Variants in ATP10B observed in about 807,000 individuals in gnomAD.
ATP10B encodes the protein phospholipid-transporting ATPase VB.
ATP10B carries 122 observed loss-of-function variants against 141.2 expected under a neutral mutation model. The ratio of observed to expected loss-of-function variants is 0.86; its 90% CI spans 0.75 to 1.00. The LOEUF is 1.00. ATP10B is among the 50% of genes least tolerant of loss of function. ATP10B has a pLI of 0.00. For missense variants in ATP10B, 1,876 were observed against 1,825.3 expected (o/e 1.03, Z -0.51); for synonymous variants, 685 against 692.0 (o/e 0.99, Z 0.16).
chr5:160,896,374 C>T, the ATP10B span, among the ~76,000 whole-genome samples: 2 of 152,078 alleles, frequency 1.3e-5, no homozygotes, highest in Non-Finnish European at 2.9e-5. Context: ...CACCACTGAT[C>T]CCACAGAAAT....
intron 24 of ATP10B, among the ~76,000 whole-genome samples, chr5:160,574,358 C>T (rs535321509): frequency 1.6e-3 from 246 of 152,166 alleles, no homozygotes; most frequent in Non-Finnish European, 2.7e-3. Flanking sequence ...CACTTGAACC[C>T]GGAGGCGGAG....
rs1477152189 is a variant in ATP10B, at chr5:160,644,249, GGAT to G, written c.762-8_762-6del. ...CTGGTCTGGTCAGGATGCTCCCTGGGGATGATGAATAAAAGACAGGGGGTGGTT... is the reference window on the plus strand; with the variant it reads ...CTGGTCTGGTCAGGATGCTCCCTGGGGATGAATAAAAGACAGGGGGTGGTT... On this transcript the variant is annotated splice_region_variant and splice_polypyrimidine_tract_variant and intron_variant, in intron 8 of 25. Coordinates refer to ENST00000327245, the MANE Select transcript of ATP10B (RefSeq NM_025153.3). 5.6e-6 allele frequency: 9 copies of G among 1,610,690 alleles called. No individual in the cohort carries two copies. The highest frequency in any genetic ancestry group is 6.8e-6 in the Non-Finnish European group (8 of 1,177,154).
At chr5:160,840,630 A>C (rs969029590) in intron 1 of ATP10B, among the ~76,000 whole-genome samples, 5 of 152,100 alleles carry the variant, frequency 3.3e-5, no homozygotes, top group African/African-American at 1.2e-4. Flanking sequence ...CCTATATTCT[A>C]GGTTTATGAA....
intron 1 of ATP10B, among the ~76,000 whole-genome samples, chr5:160,797,131 C>G (rs1045930406): frequency 6.6e-6 from 1 of 152,076 alleles, no homozygotes; most frequent in African/African-American, 2.4e-5. Context: ...AACCAGGGCC[C>G]AGGAACCCCT....
chr5:160,743,014 T>C (rs1338918033), intron 2 of ATP10B, among the ~76,000 whole-genome samples: 1 of 152,210 alleles, frequency 6.6e-6, no homozygotes, highest in African/African-American at 2.4e-5. Flanking sequence ...GCAAAGATGA[T>C]AGAGGTAATA....
Position 160,565,725 on chromosome 5 carries a change from T to C in ATP10B, c.4114A>G (p.Ile1372Val), listed in dbSNP as rs1754494404. 3 of 1,613,950 alleles carry C rather than the reference T, an allele frequency of 1.9e-6. No homozygotes were observed. Among genetic ancestry groups the C allele is most frequent in the Non-Finnish European group, 2.5e-6 (3 of 1,179,988 alleles). ...ARPTHHPVSS[I>V]TGQDFSASTP... is the part of the protein sequence containing the mutation. ...CTGGCACTGAAGTCCTGTCCTGTGA[T>C]AGATGACACTGGGTGGTGAGTTGGT... is the stretch of plus-strand genomic sequence containing the variant. The change falls in exon 26 of 26, where the codon ATC (isoleucine) becomes GTC (valine). Residue 1372 changes from isoleucine (I) to valine (V), a missense_variant. Physicochemically the swap from Ile to Val is conservative, Grantham distance 29. Transcript: ENST00000327245.
chr5:160,654,003 G>A (rs1055589259), intron 7 of ATP10B, among the ~76,000 whole-genome samples: 23 of 141,012 alleles, frequency 1.6e-4, no homozygotes, highest in Admixed American at 5.0e-4. Context: ...TTGTATATAC[G>A]TATATACATA....
Position 160,785,747 on chromosome 5 carries a change from T to C in ATP10B, c.-519A>G. Reference sequence around the variant, plus strand: ...GAAAAACTACTTACTCTTCACACTGTTGCTTTCATTGAAACAAATGTCACC... The same window carrying C: ...GAAAAACTACTTACTCTTCACACTGCTGCTTTCATTGAAACAAATGTCACC... On this transcript the variant is annotated 5_prime_UTR_variant, in exon 2 of 26. Transcript: ENST00000327245. 8.5e-7 allele frequency: 1 copy of C among 1,183,072 alleles called. No individual in the cohort carries two copies. The highest frequency in any genetic ancestry group is 1.1e-6 in the Non-Finnish European group (1 of 913,988). 73.3% of individuals were successfully genotyped at this position (1,183,072 alleles called of 1,614,324 possible). A position where few individuals can be genotyped will look rare whatever the true frequency, so the allele number is the denominator to read the frequency against.
intron 17 of ATP10B, among the ~76,000 whole-genome samples, chr5:160,613,704 T>G (rs1378415782): frequency 6.6e-6 from 1 of 152,234 alleles, no homozygotes; most frequent in Non-Finnish European, 1.5e-5. Context: ...GGGACTCATA[T>G]TTTTGATAAT....
intron 3 of ATP10B, among the ~76,000 whole-genome samples, chr5:160,698,486 C>G (rs1372238873): frequency 6.6e-6 from 1 of 152,094 alleles, no homozygotes; most frequent in African/African-American, 2.4e-5. Context: ...TTAATTAATA[C>G]CAGAATTATA....
At chr5:160,789,766 C>G (rs1261326377) in intron 1 of ATP10B, among the ~76,000 whole-genome samples, 4 of 152,034 alleles carry the variant, frequency 2.6e-5, no homozygotes, top group Non-Finnish European at 5.9e-5. Flanking sequence ...GGAGGTGAGA[C>G]CTAGGTTCAT....
intron 1 of ATP10B, among the ~76,000 whole-genome samples, chr5:160,795,121 A>G (rs1317134496): frequency 6.6e-6 from 1 of 152,226 alleles, no homozygotes; most frequent in African/African-American, 2.4e-5. Context: ...CCATTTCAGC[A>G]TTGGTATGGT....
intron 1 of ATP10B, among the ~76,000 whole-genome samples, chr5:160,789,048 C>T (rs1007072201): frequency 1.3e-5 from 2 of 152,160 alleles, no homozygotes; most frequent in Non-Finnish European, 2.9e-5. Context: ...ATAGCATTTA[C>T]ATTTACTTTG....
At chr5:160,803,181 G>A (rs549698638) in intron 1 of ATP10B, among the ~76,000 whole-genome samples, 5 of 152,126 alleles carry the variant, frequency 3.3e-5, no homozygotes, top group South Asian at 4.1e-4. Context: ...TTTCCTTTTT[G>A]TTGAAGGAGG....
intron 24 of ATP10B, among the ~76,000 whole-genome samples, chr5:160,581,930 G>C (rs1755579673): frequency 6.6e-6 from 1 of 152,002 alleles, no homozygotes; most frequent in African/African-American, 2.4e-5. Context: ...TTTGATCTTT[G>C]TTGGTTTAAA....
At chr5:160,746,927 T>G (rs1335218387) in intron 2 of ATP10B, among the ~76,000 whole-genome samples, 1 of 152,176 alleles carries the variant, frequency 6.6e-6, no homozygotes, top group Non-Finnish European at 1.5e-5. Context: ...TTTATAGCAG[T>G]GGTGGCAAAT....
intron 14 of ATP10B, among the ~76,000 whole-genome samples, chr5:160,621,535 A>G (rs1443780356): frequency 1.3e-5 from 2 of 152,232 alleles, no homozygotes; most frequent in African/African-American, 2.4e-5. Context: ...AATTTTTAAG[A>G]TAAAGCTTTC....
intron 2 of ATP10B, among the ~76,000 whole-genome samples, chr5:160,765,219 A>G (rs1380236507): frequency 2.6e-5 from 4 of 152,206 alleles, no homozygotes; most frequent in Admixed American, 6.5e-5. Flanking sequence ...ACTAGAAAAA[A>G]CATTTCTAAA....
chr5:160,732,975 C>G (rs1766845681), intron 2 of ATP10B, among the ~76,000 whole-genome samples: 1 of 152,138 alleles, frequency 6.6e-6, no homozygotes, highest in Non-Finnish European at 1.5e-5. Flanking sequence ...TCCCAAAGTT[C>G]TTAAATTACA....
Sources: gnomAD v4.1 joint callset for allele counts (sites outside exome capture counted in the v4.1 genomes callset) on GRCh38, gnomAD v4.1.1 for gene constraint, MANE v1.5 for transcripts, NCBI Gene and HGNC (gene_info 2026-07-23, HGNC 2026-07-21) for gene names.